PDGFRB: variants seen among roughly 807,000 people sequenced by gnomAD.
PDGFRB encodes platelet derived growth factor receptor beta, also known as platelet-derived growth factor receptor beta.
Under a neutral mutation model 120.2 loss-of-function variants are expected in PDGFRB, and 42 were observed. The ratio of observed to expected loss-of-function variants is 0.35; its 90% confidence interval spans 0.27 to 0.45. The LOEUF is 0.45. Among genes scored for constraint, PDGFRB ranks in the 20% least tolerant of loss-of-function variants. The pLI is 1.00. For synonymous variants in PDGFRB, 586 were observed against 606.8 expected (o/e 0.97, Z 0.50); for missense variants, 1,149 against 1,476.3 (o/e 0.78, Z 3.63).
chr5:150,123,391 C>A (rs1383496644), intron 14 of PDGFRB, among the ~76,000 whole-genome samples, 190 bp from the exon 15 acceptor site: 1 of 152,170 alleles, frequency 6.6e-6, no homozygotes, highest in Non-Finnish European at 1.5e-5. Flanking sequence ...TCTCCCTGAG[C>A]CTTACCTTCC....
chr5:150,136,056 G>A (rs1760622131), intron 2 of PDGFRB, among the ~76,000 whole-genome samples, 178 bp from the exon 3 acceptor site: 1 of 152,212 alleles, frequency 6.6e-6, no homozygotes, highest in South Asian at 2.1e-4. Context: ...CCAGCTCCAA[G>A]GCCCCAGGGA....
rs1405991603 is a variant in PDGFRB, at chr5:150,115,801, G to A, written c.3283C>T (p.Pro1095Ser). The A allele has an allele frequency of 1.9e-6, 3 of 1,612,094 alleles. No individual in the cohort carries two copies. The highest frequency in any genetic ancestry group is 2.5e-6 in the Non-Finnish European group (3 of 1,179,204). ...ELEQLPDSGC[P>S]APRAEAEDSF... is the part of the protein sequence containing the mutation. ...TCCTCTGCTTCCGCCCGAGGCGCAG[G>A]GCACCCCGAATCCGGCAACTGTTCC... is the stretch of plus-strand genomic sequence containing the variant. The change falls in exon 23 of 23, where the codon CCT becomes TCT. Residue 1095 changes from proline to serine, a missense_variant. Transcript: ENST00000261799.
Position 150,129,835 on chromosome 5 carries a change from C to A in PDGFRB, c.1501G>T (p.Asp501Tyr), listed in dbSNP as rs1311234574. Residue 501 changes from aspartate (D) to tyrosine (Y), a missense_variant, in exon 10 of 23, where the codon GAT becomes TAT. This residue lies in a region of PDGFRB where 879 missense variants were observed against 1,108.6 expected (regional missense o/e 0.79). Coordinates refer to ENST00000261799, the MANE Select transcript of PDGFRB (RefSeq NM_002609.4). Reference protein sequence around the residue: ...VVSTLRLQHVDRPLSVRCTLR... With the variant: ...VVSTLRLQHVYRPLSVRCTLR... ...GTGCAGCGCACCGACAGTGGCCGAT[C>A]CACGTGCTGCAGACGCAGTGTGCTC... 1 of 1,614,152 alleles carries A rather than the reference C, an allele frequency of 6.2e-7. No homozygotes were observed.
intron 1 of PDGFRB, among the ~76,000 whole-genome samples, chr5:150,154,904 A>T (rs1288699846): frequency 6.6e-6 from 1 of 152,184 alleles, no homozygotes; most frequent in African/African-American, 2.4e-5. Context: ...AAAATTTGCA[A>T]ATCCATTTAA....
chr5:150,144,175 G>A (rs1025706773), intron 1 of PDGFRB, among the ~76,000 whole-genome samples: 1 of 152,002 alleles, frequency 6.6e-6, no homozygotes, highest in Admixed American at 6.6e-5. Flanking sequence ...CTATCCCACC[G>A]CCAATCTCCT....
chr5:150,118,819 C>G lies in PDGFRB; in HGVS notation c.2832G>C (p.Lys944Asn), dbSNP rs1760045674. 6.2e-7 allele frequency: 1 copy of G among 1,613,290 alleles called. No homozygotes were observed. The highest frequency in any genetic ancestry group is 8.5e-7 in the Non-Finnish European group (1 of 1,179,274). The stretch of plus-strand genomic sequence containing the variant: ...GGGAGAAGGGGGGCCGAATCTCAAA[C>G]TTCTCTTCCCAGCACTTCTGCATGA... The part of the protein sequence containing the change: ...YEIMQKCWEE[K>N]FEIRPPFSQL... The change falls in exon 21 of 23, where the codon AAG becomes AAC. Residue 944 changes from lysine (K) to asparagine (N), a missense_variant. Coordinates refer to ENST00000261799, the MANE Select transcript of PDGFRB (RefSeq NM_002609.4).
Position 150,123,062 on chromosome 5 carries a change from G to C in PDGFRB, c.2163C>G (p.Pro721=). Residue 721 remains proline (P), a synonymous_variant, in exon 15 of 23, where the codon CCC becomes CCG. Coordinates refer to ENST00000261799, the MANE Select transcript of PDGFRB (RefSeq NM_002609.4). The part of the protein sequence containing the change: ...PSAELYSNAL[P]VGLPLPSHVS... ...GGTACCTGGGCAGGGGGAGCCCAAC[G>C]GGCAGAGCATTGCTGTAGAGCTCCG... 6.2e-7 allele frequency: 1 copy of C among 1,613,354 alleles called. No individual in the cohort carries two copies. Among genetic ancestry groups the C allele is most frequent in the Non-Finnish European group, 8.5e-7 (1 of 1,179,940 alleles).
In PDGFRB at chr5:150,125,429, G is replaced by T; in HGVS notation, c.1807+16C>A. 1 of 1,601,180 alleles carries T rather than the reference G, an allele frequency of 6.2e-7. No individual in the cohort carries two copies. Among genetic ancestry groups the T allele is most frequent in the South Asian group, 1.1e-5 (1 of 90,160 alleles). ...TTGAGTCCCCACACTGCCACATGAG[G>T]CCTCTCAGGACTGACCCAGCACAAG... On this transcript the variant is annotated intron_variant, in intron 12 of 22. Transcript: ENST00000261799.
chr5:150,127,335 C>T (rs1157098289), intron 10 of PDGFRB, among the ~76,000 whole-genome samples: 2 of 152,326 alleles, frequency 1.3e-5, no homozygotes, highest in Admixed American at 1.3e-4. Flanking sequence ...CTGCCCTGCC[C>T]TGCTGGCCAC....
At position 150,133,976 on chromosome 5, in the gene PDGFRB, G is replaced by A. The variant is rs2113909339; in HGVS notation, c.664C>T (p.Gln222Ter). 5 of 1,613,940 alleles carry A rather than the reference G, an allele frequency of 3.1e-6. No homozygotes were observed. Among genetic ancestry groups the A allele is most frequent in the Non-Finnish European group, 4.2e-6 (5 of 1,179,820 alleles). Residue 222 changes from glutamine to a stop codon, truncating the protein, a stop_gained, in exon 5 of 23, where the codon CAG becomes TAG. Coordinates refer to ENST00000261799, the MANE Select transcript of PDGFRB (RefSeq NM_002609.4). LOFTEE classifies it high-confidence loss of function. ...TTCTCACCCTGGCGGACCACAGTCTGCACTGCGTTCACAGAGACGTTGATG... is the reference window on the plus strand; with the variant it reads ...TTCTCACCCTGGCGGACCACAGTCTACACTGCGTTCACAGAGACGTTGATG... ...SSINVSVNAV[Q>*]TVVRQGENIT...
In PDGFRB at chr5:150,126,562, G is replaced by A. The variant is rs1451963774; in HGVS notation, c.1632C>T (p.Leu544=). 6.2e-7 allele frequency: 1 copy of A among 1,610,968 alleles called. No homozygotes were observed. Among genetic ancestry groups the A allele is most frequent in the Non-Finnish European group, 8.5e-7 (1 of 1,177,200 alleles). ...TGAGGATGATAAGGGAGATGATGGT[G>A]AGCACCACCAGGGCCAGGATGGCTG... ...VISAILALVV[L]TIISLIILIM... The change falls in exon 11 of 23, where the codon CTC becomes CTT. Residue 544 remains leucine (L), a synonymous_variant. Coordinates refer to ENST00000261799, the MANE Select transcript of PDGFRB (RefSeq NM_002609.4).
In PDGFRB at chr5:150,126,433, C is replaced by T. The variant is rs116480979; in HGVS notation, c.1674+87G>A. 233 of 799,700 alleles carry T rather than the reference C, an allele frequency of 2.9e-4. No homozygotes were observed. In the African/African-American group the frequency reaches 3.2e-3, roughly 11 times the overall value. 49.5% of individuals were successfully genotyped at this position (799,700 alleles called of 1,614,324 possible). On this transcript the variant is annotated intron_variant, in intron 11 of 22. Coordinates refer to ENST00000261799, the MANE Select transcript of PDGFRB (RefSeq NM_002609.4). ...CTGAGCCCTGCATGTGGCCAGATCA[C>T]GCAGCATTCAAGGAGGGCAGAGGGG...
At position 150,134,738 on chromosome 5, in the gene PDGFRB, A is replaced by C. The variant is rs1228364644; in HGVS notation, c.631+12T>G. 1 of 1,602,138 alleles carries C rather than the reference A, an allele frequency of 6.2e-7. No homozygotes were observed. The highest frequency in any genetic ancestry group is 8.5e-7 in the Non-Finnish European group (1 of 1,173,896). On this transcript the variant is annotated intron_variant, in intron 4 of 22. Coordinates refer to ENST00000261799, the MANE Select transcript of PDGFRB (RefSeq NM_002609.4). ...TGCCTCTGCTGAGCATCAGGCCAGA[A>C]AGGGGGCTCACCCTGGAGTCTGTAG...
At position 150,127,845 on chromosome 5, in the gene PDGFRB, A is replaced by C. The variant is rs200689621; in HGVS notation, c.1580-1231T>G. Among the ~76,000 whole-genome samples, 562 of 148,476 alleles carry C rather than the reference A, an allele frequency of 3.8e-3. 25 individuals carry two copies. The East Asian group carries it at 0.1, about 27-fold the overall frequency. On this transcript the variant is annotated intron_variant, in intron 10 of 22. Coordinates refer to ENST00000261799, the MANE Select transcript of PDGFRB (RefSeq NM_002609.4). The stretch of plus-strand genomic sequence containing the variant: ...CCAGACTCCATCTTAAAAAAAAAAA[A>C]AAAAAAAAAAAAAACTTTGGATGCT...
chr5:150,121,712 G>A lies in PDGFRB; in HGVS notation c.2344+168C>T, dbSNP rs577920251. Among the ~76,000 whole-genome samples the A allele has an allele frequency of 1.7e-4, 26 of 152,184 alleles. No individual in the cohort carries two copies. The highest frequency in any genetic ancestry group is 2.1e-4 in the South Asian group (1 of 4,824). On this transcript the variant is annotated intron_variant, in intron 16 of 22. Coordinates refer to ENST00000261799, the MANE Select transcript of PDGFRB (RefSeq NM_002609.4). This position sits in a 1 kb window ranked among gnomAD's most constrained non-coding sequence, Gnocchi z 4.1. ...TTCCGGATCCATAAACAGGGCTTCC[G>A]TTTAGGGGTCCACTACAGATCAGTT...
chr5:150,136,902 G>A (rs1562014672), intron 2 of PDGFRB, 106 bp downstream of exon 2: 1 of 834,302 alleles, frequency 1.2e-6, no homozygotes, highest in East Asian at 2.6e-5. Context: ...GCAGGGCAGT[G>A]TGCCTGGTGC....
chr5:150,150,056 G>A (rs1053489412), intron 1 of PDGFRB, among the ~76,000 whole-genome samples: 21 of 152,186 alleles, frequency 1.4e-4, no homozygotes, highest in African/African-American at 1.9e-4. Context: ...CCAAAAGCTC[G>A]GGGGTCCAGC....
At chr5:150,151,305 G>C (rs1021894227) in intron 1 of PDGFRB, among the ~76,000 whole-genome samples, 2 of 152,182 alleles carry the variant, frequency 1.3e-5, no homozygotes, top group Non-Finnish European at 2.9e-5. Flanking sequence ...TGGGAAAACT[G>C]AGGCCCCAGA....
intron 1 of PDGFRB, chr5:150,137,271 C>A: frequency 1.9e-6 from 1 of 522,718 alleles, no homozygotes; most frequent in Non-Finnish European, 3.4e-6. Flanking sequence ...GGGTCCTGGC[C>A]TTTGCTTTGG....
Sources: gnomAD v4.1 joint callset for allele counts (sites outside exome capture counted in the v4.1 genomes callset) on GRCh38, gnomAD v4.1.1 for gene constraint, gnomAD v4.1.1 regional missense constraint, Gnocchi (gnomAD v3.1) non-coding constraint, MANE v1.5 for transcripts, NCBI Gene and HGNC (gene_info 2026-07-23, HGNC 2026-07-21) for gene names.